ZDHHC21: variants seen among roughly 807,000 people sequenced by gnomAD.
The protein encoded by ZDHHC21 is palmitoyltransferase ZDHHC21.
A neutral mutation model predicts 34.6 loss-of-function variants in ZDHHC21; 15 were observed. That is an observed-to-expected ratio of 0.43 (90% CI 0.29 to 0.67). The LOEUF is 0.67. Among genes scored for constraint, ZDHHC21 ranks in the 30% least tolerant of loss-of-function variants. ZDHHC21 has a pLI of 0.14. For synonymous variants in ZDHHC21, 142 were observed against 101.8 expected (o/e 1.40, Z -2.38); for missense variants, 344 against 327.7 (o/e 1.05, Z -0.38).
rs1200783584 is a variant in ZDHHC21, at chr9:14,643,856, GGTTT to G, written c.505-3848_505-3845del. The stretch of plus-strand genomic sequence containing the variant: ...ATGGGCTCTCTACTCTTGTTCCCTT[GGTTT>G]GTTTATCCCTGCAACGGTGACAAAT... On this transcript the variant is annotated intron_variant, in intron 7 of 9. Transcript: ENST00000380916. Among the ~76,000 whole-genome samples, 3 of 152,022 alleles carry G rather than the reference GGTTT, an allele frequency of 2.0e-5. No individual in the cohort carries two copies. The East Asian group carries it at 5.8e-4, about 29-fold the overall frequency.
chr9:14,648,135 T>TTCTA (rs1175624284), intron 7 of ZDHHC21, among the ~76,000 whole-genome samples: 2 of 152,124 alleles, frequency 1.3e-5, no homozygotes, highest in Admixed American at 1.3e-4. Context: ...ACGTTTCGCA[T>TTCTA]TCTATCTCAC....
intron 8 of ZDHHC21, among the ~76,000 whole-genome samples, chr9:14,627,988 T>C (rs1826604381): frequency 6.6e-6 from 1 of 152,170 alleles, no homozygotes; most frequent in African/African-American, 2.4e-5. Flanking sequence ...GACTAACCTG[T>C]TTCCCTTAAT....
chr9:14,613,693 C>G lies in ZDHHC21; in HGVS notation c.*5273G>C, dbSNP rs1823710078. 6.6e-6 allele frequency: 1 copy of G among 151,772 alleles called. No individual in the cohort carries two copies. The highest frequency in any genetic ancestry group is 1.5e-5 in the Non-Finnish European group (1 of 67,754). 9.4% of individuals were successfully genotyped at this position (151,772 alleles called of 1,614,324 possible). A position where few individuals can be genotyped will look rare whatever the true frequency, so the allele number is the denominator to read the frequency against. On this transcript the variant is annotated 3_prime_UTR_variant, in exon 10 of 10. Transcript: ENST00000380916. ...ATAGAAATGGAGACCTTCGAGGTAT[C>G]AAGAACTCCAAAATATCCCAAATGT... is the stretch of plus-strand genomic sequence containing the variant.
At chr9:14,649,306 G>C (rs1026404058) in intron 7 of ZDHHC21, among the ~76,000 whole-genome samples, 7 of 152,066 alleles carry the variant, frequency 4.6e-5, no homozygotes, top group African/African-American at 1.4e-4. Context: ...GATCACATCT[G>C]AGATATCTAA....
intron 7 of ZDHHC21, among the ~76,000 whole-genome samples, chr9:14,656,783 GCTA>G (rs999926333): frequency 8.6e-5 from 13 of 151,848 alleles, no homozygotes; most frequent in Non-Finnish European, 1.5e-4. Context: ...TTGCTAAAAT[GCTA>G]CTAACATATT....
chr9:14,634,753 C>T (rs1024319895), intron 8 of ZDHHC21, among the ~76,000 whole-genome samples: 3 of 152,082 alleles, frequency 2.0e-5, no homozygotes, highest in East Asian at 1.9e-4. Context: ...TTACAACAGA[C>T]GCATAGATAT....
intron 1 of ZDHHC21, 119 bp from the exon 2 acceptor site, chr9:14,690,504 C>T (rs1474350272): frequency 2.7e-6 from 1 of 375,600 alleles, no homozygotes; most frequent in South Asian, 2.1e-5. Context: ...TTTTACCCAA[C>T]CTGCCCTTTT....
intron 5 of ZDHHC21, among the ~76,000 whole-genome samples, chr9:14,670,643 A>G (rs989021532): frequency 6.6e-6 from 1 of 152,160 alleles, no homozygotes; most frequent in African/African-American, 2.4e-5. Flanking sequence ...AAATTGATTT[A>G]AAGAAAGAAC....
chr9:14,678,576 G>A (rs1836831860), intron 3 of ZDHHC21, among the ~76,000 whole-genome samples: 1 of 152,036 alleles, frequency 6.6e-6, no homozygotes, highest in Non-Finnish European at 1.5e-5. Flanking sequence ...TTATTGGTGG[G>A]CATGTAAGCT....
At chr9:14,670,264 A>G (rs1835214655) in intron 5 of ZDHHC21, among the ~76,000 whole-genome samples, 1 of 152,168 alleles carries the variant, frequency 6.6e-6, no homozygotes, top group Non-Finnish European at 1.5e-5. Flanking sequence ...CTCAGAAGAG[A>G]GCACTTGGCA....
chr9:14,650,108 C>T (rs138394296), intron 7 of ZDHHC21, among the ~76,000 whole-genome samples: 2 of 152,024 alleles, frequency 1.3e-5, no homozygotes, highest in African/African-American at 4.8e-5. Flanking sequence ...TGTTGTAGGA[C>T]AGGATTAAGA....
rs538575393 is a variant in ZDHHC21 at position 14,640,380 on chromosome 9, C to T, written c.505-368G>A. On this transcript the variant is annotated intron_variant, in intron 7 of 9. Coordinates refer to ENST00000380916, the MANE Select transcript of ZDHHC21 (RefSeq NM_178566.6). ...AACAAAACACAGATGGTTGTACAATCTTTGGTTTACAAAAGGAATTTTATT... is the reference window on the plus strand; with the variant it reads ...AACAAAACACAGATGGTTGTACAATTTTTGGTTTACAAAAGGAATTTTATT... Among the ~76,000 whole-genome samples, 7 of 150,666 alleles carry T rather than the reference C, an allele frequency of 4.6e-5. No homozygotes were observed. In the East Asian group the frequency reaches 1.4e-3, roughly 29 times the overall value.
At chr9:14,689,029 A>G (rs370339387) in intron 2 of ZDHHC21, among the ~76,000 whole-genome samples, 9 of 152,328 alleles carry the variant, frequency 5.9e-5, no homozygotes, top group African/African-American at 2.2e-4. Flanking sequence ...CCTGGTCAAC[A>G]GAGTGAGATC....
intron 7 of ZDHHC21, among the ~76,000 whole-genome samples, chr9:14,644,809 T>G (rs190290987): frequency 7.1e-6 from 1 of 141,292 alleles, no homozygotes; most frequent in Non-Finnish European, 1.6e-5. Context: ...TATACACACA[T>G]ACATATGTAT....
chr9:14,662,334 A>G lies in ZDHHC21; in HGVS notation c.254-8T>C. The G allele has an allele frequency of 6.3e-7, 1 of 1,593,080 alleles. No homozygotes were observed. Among genetic ancestry groups the G allele is most frequent in the Non-Finnish European group, 8.5e-7 (1 of 1,170,236 alleles). ...ATTCCCAGAACTCCCTTTCTAAAGA[A>G]AAGAAATTAAAATCCATTTAATGAA... On this transcript the variant is annotated splice_polypyrimidine_tract_variant and splice_region_variant and intron_variant, in intron 5 of 9. Coordinates refer to ENST00000380916, the MANE Select transcript of ZDHHC21 (RefSeq NM_178566.6).
At chr9:14,632,465 C>T (rs1445105461) in intron 8 of ZDHHC21, among the ~76,000 whole-genome samples, 4 of 151,486 alleles carry the variant, frequency 2.6e-5, no homozygotes, top group Non-Finnish European at 4.4e-5. Context: ...AATCATAGTA[C>T]TAAATATAAA....
At chr9:14,668,607 C>T (rs994932044) in intron 5 of ZDHHC21, among the ~76,000 whole-genome samples, 3 of 151,776 alleles carry the variant, frequency 2.0e-5, no homozygotes, top group Non-Finnish European at 2.9e-5. Flanking sequence ...AACTATACAA[C>T]AAGGCTACAG....
At chr9:14,684,698 A>T (rs1279309351) in intron 2 of ZDHHC21, among the ~76,000 whole-genome samples, 1 of 151,598 alleles carries the variant, frequency 6.6e-6, no homozygotes, top group Non-Finnish European at 1.5e-5. Context: ...ATTGGAAAAA[A>T]CTACTTTAAA....
the ZDHHC21 span, among the ~76,000 whole-genome samples, chr9:14,599,051 C>T: frequency 1.3e-5 from 2 of 152,162 alleles, no homozygotes; most frequent in African/African-American, 4.8e-5. Flanking sequence ...ATGTGAGCCA[C>T]CTCACCCATC....
Sources: gnomAD v4.1 joint callset for allele counts (sites outside exome capture counted in the v4.1 genomes callset) on GRCh38, gnomAD v4.1.1 for gene constraint, MANE v1.5 for transcripts, NCBI Gene and HGNC (gene_info 2026-07-23, HGNC 2026-07-21) for gene names.